FAM83B: variants seen among roughly 807,000 people sequenced by gnomAD.
The protein encoded by FAM83B is scaffolding CK1 anchoring protein B, also known as protein FAM83B.
FAM83B carries 26 observed loss-of-function variants against 38.8 expected under a neutral mutation model. The ratio of observed to expected loss-of-function variants is 0.67; its 90% CI spans 0.49 to 0.93. The LOEUF is 0.93. FAM83B is among the 40% of genes least tolerant of loss of function. The probability of loss-of-function intolerance (pLI) is 0.00; values close to 1 mark genes in which losing one functional copy is unlikely to be tolerated. For missense variants in FAM83B, 1,237 were observed against 1,197.3 expected (o/e 1.03, Z -0.49); for synonymous variants, 419 against 423.1 (o/e 0.99, Z 0.12).
chr6:54,941,275 G>A lies in FAM83B; in HGVS notation c.2304G>A (p.Leu768=). The change falls in exon 5 of 5, where the codon TTG becomes TTA. Residue 768 remains leucine (L), a synonymous_variant. Coordinates refer to ENST00000306858, the MANE Select transcript of FAM83B (RefSeq NM_001010872.3). ...KKEVKGSPSF[L]KKGSQKLRSL... is the part of the protein sequence containing the mutation. ...AAGTTAAGGGTTCCCCAAGTTTTTTGAAAAAGGGGTCTCAGAAGTTAAGGT... is the reference window on the plus strand; with the variant it reads ...AAGTTAAGGGTTCCCCAAGTTTTTTAAAAAAGGGGTCTCAGAAGTTAAGGT... 6.2e-7 allele frequency: 1 copy of A among 1,600,356 alleles called. No individual in the cohort carries two copies. The highest frequency in any genetic ancestry group is 8.5e-7 in the Non-Finnish European group (1 of 1,176,400).
chr6:54,875,247 G>A (rs1028675806), intron 2 of FAM83B, among the ~76,000 whole-genome samples: 3 of 152,034 alleles, frequency 2.0e-5, no homozygotes, highest in Non-Finnish European at 4.4e-5. Flanking sequence ...GAATTAGTTC[G>A]TGATAGAAAT....
chr6:54,926,969 G>A (rs1051694875), intron 3 of FAM83B, among the ~76,000 whole-genome samples: 3 of 151,950 alleles, frequency 2.0e-5, no homozygotes, highest in Admixed American at 6.6e-5. Flanking sequence ...TCCTGACCTC[G>A]TGATCCACCC....
intron 1 of FAM83B, among the ~76,000 whole-genome samples, chr6:54,853,840 A>C (rs1357617085): frequency 6.6e-6 from 1 of 152,240 alleles, no homozygotes; most frequent in Non-Finnish European, 1.5e-5. Flanking sequence ...GCCACAGGTA[A>C]GTGATTCCTC....
chr6:54,870,263 T>A lies in FAM83B; in HGVS notation c.17T>A (p.Met6Lys). ...CTTGCAAGCATGGAGACCTCATCAA[T>A]GCTTTCCTCATTGAATGATGAGTGT... is the stretch of plus-strand genomic sequence containing the variant. Reference protein sequence around the residue: METSSMLSSLNDECKS... With the variant: METSSKLSSLNDECKS... Residue 6 changes from methionine to lysine, a missense_variant, in exon 2 of 5, where the codon ATG (methionine) becomes AAG (lysine). Transcript: ENST00000306858. 3.7e-6 allele frequency: 6 copies of A among 1,613,448 alleles called. No homozygotes were observed. Among genetic ancestry groups the A allele is most frequent in the Non-Finnish European group, 4.2e-6 (5 of 1,179,450 alleles).
intron 1 of FAM83B, among the ~76,000 whole-genome samples, chr6:54,856,775 G>T (rs1266032352): frequency 6.6e-6 from 1 of 152,162 alleles, no homozygotes; most frequent in African/African-American, 2.4e-5. Context: ...TGATACAGCT[G>T]TCTAGGCAGG....
At chr6:54,848,196 T>C (rs1238664733) in intron 1 of FAM83B, among the ~76,000 whole-genome samples, 3 of 152,144 alleles carry the variant, frequency 2.0e-5, no homozygotes, top group African/African-American at 4.8e-5. Flanking sequence ...TGCAGGTCTT[T>C]GTTGCGTTTG....
intron 2 of FAM83B, among the ~76,000 whole-genome samples, chr6:54,881,657 T>G (rs892532723): frequency 6.6e-6 from 1 of 152,184 alleles, no homozygotes; most frequent in African/African-American, 2.4e-5. Flanking sequence ...GATCATGTAG[T>G]CTTTTTACAA....
intron 2 of FAM83B, among the ~76,000 whole-genome samples, chr6:54,881,938 A>T (rs1581897772): frequency 6.6e-6 from 1 of 152,012 alleles, no homozygotes; most frequent in Non-Finnish European, 1.5e-5. Context: ...GGCAGGCCCC[A>T]GTGTGTGATG....
At position 54,942,997 on chromosome 6, in the gene FAM83B, A is replaced by G. The variant is rs1182070876; in HGVS notation, c.*990A>G. On this transcript the variant is annotated 3_prime_UTR_variant, in exon 5 of 5. Coordinates refer to ENST00000306858, the MANE Select transcript of FAM83B (RefSeq NM_001010872.3). ...GGCTCACTGCAACCTCTGCCTCCCAAGTTCAAACGATTCTCCTGCCTCAGC... is the reference window on the plus strand; with the variant it reads ...GGCTCACTGCAACCTCTGCCTCCCAGGTTCAAACGATTCTCCTGCCTCAGC... 1.3e-5 allele frequency among the ~76,000 whole-genome samples: 2 copies of G among 151,386 alleles called. No individual in the cohort carries two copies. Among genetic ancestry groups the G allele is most frequent in the African/African-American group, 4.9e-5 (2 of 41,136 alleles).
chr6:54,927,976 C>T (rs1009990417), intron 4 of FAM83B, among the ~76,000 whole-genome samples: 5 of 152,124 alleles, frequency 3.3e-5, no homozygotes, highest in African/African-American at 7.2e-5. Flanking sequence ...TAGTTACAAT[C>T]GTTTGTAAAA....
chr6:54,926,965 C>A (rs1773303536), intron 3 of FAM83B, among the ~76,000 whole-genome samples: 2 of 152,072 alleles, frequency 1.3e-5, no homozygotes, highest in African/African-American at 2.4e-5. Context: ...GAACTCCTGA[C>A]CTCGTGATCC....
intron 2 of FAM83B, among the ~76,000 whole-genome samples, chr6:54,877,979 G>T (rs887651070): frequency 6.6e-6 from 1 of 152,158 alleles, no homozygotes; most frequent in African/African-American, 2.4e-5. Context: ...GAAGTCAGAA[G>T]TCACTCACCT....
chr6:54,935,321 G>T (rs1773503429), intron 4 of FAM83B, among the ~76,000 whole-genome samples: 1 of 152,076 alleles, frequency 6.6e-6, no homozygotes, highest in South Asian at 2.1e-4. Flanking sequence ...GAACATACAA[G>T]AAACCATCTG....
At chr6:54,876,404 A>T (rs1190749214) in intron 2 of FAM83B, among the ~76,000 whole-genome samples, 1 of 147,228 alleles carries the variant, frequency 6.8e-6, no homozygotes, top group East Asian at 2.0e-4. Context: ...GCTCACTGCA[A>T]CCTCTGTCCC....
chr6:54,935,293 T>C (rs1773503007), intron 4 of FAM83B, among the ~76,000 whole-genome samples: 1 of 152,122 alleles, frequency 6.6e-6, no homozygotes, highest in African/African-American at 2.4e-5. Context: ...TAGTGGGCAC[T>C]GGAGACAGAC....
At chr6:54,881,842 C>T (rs932538342) in intron 2 of FAM83B, among the ~76,000 whole-genome samples, 2 of 152,138 alleles carry the variant, frequency 1.3e-5, no homozygotes, top group African/African-American at 2.4e-5. Flanking sequence ...TATACATGTG[C>T]CATGTTGGTG....
intron 1 of FAM83B, among the ~76,000 whole-genome samples, chr6:54,864,856 T>C (rs557830321): frequency 6.6e-6 from 1 of 152,298 alleles, no homozygotes; most frequent in Admixed American, 6.5e-5. Flanking sequence ...TTTTGATACA[T>C]ATCATAAAGT....
intron 1 of FAM83B, among the ~76,000 whole-genome samples, chr6:54,856,304 C>T (rs928630898): frequency 6.6e-6 from 1 of 152,210 alleles, no homozygotes; most frequent in African/African-American, 2.4e-5. Context: ...CACTGTTATG[C>T]TGACATAGGC....
rs143081826 is a variant in FAM83B, at chr6:54,917,846, C to G, written c.445-8525C>G. 7.9e-5 allele frequency among the ~76,000 whole-genome samples: 12 copies of G among 152,210 alleles called. No individual in the cohort carries two copies. The East Asian group carries it at 2.1e-3, about 27-fold the overall frequency. ...GAAATTCTTCTGTTTTAGCAAGTTG[C>G]CTTACGTATCCACCCGAAGCCCTCT... On this transcript the variant is annotated intron_variant, in intron 2 of 4. Transcript: ENST00000306858.
Sources: gnomAD v4.1 joint callset for allele counts (sites outside exome capture counted in the v4.1 genomes callset) on GRCh38, gnomAD v4.1.1 for gene constraint, MANE v1.5 for transcripts, NCBI Gene and HGNC (gene_info 2026-07-23, HGNC 2026-07-21) for gene names.